Variants in UPF2 observed in about 807,000 individuals in gnomAD.
The protein encoded by UPF2 is regulator of nonsense transcripts 2.
A neutral mutation model predicts 141.4 loss-of-function variants in UPF2; 17 were observed. The observed-to-expected ratio is 0.12, with a 90% CI of 0.08 to 0.18. The LOEUF (loss-of-function observed/expected upper bound fraction) is 0.18. Among genes scored for constraint, UPF2 ranks in the 10% least tolerant of loss-of-function variants. The probability of loss-of-function intolerance (pLI) is 1.00; values close to 1 mark genes in which losing one functional copy is unlikely to be tolerated. For missense variants in UPF2, 1,152 were observed against 1,515.9 expected, an observed-to-expected ratio of 0.76 and a Z score of 3.99; for synonymous variants, 540 against 498.0, an observed-to-expected ratio of 1.08 and a Z score of -1.12.
chr10:11,948,378 T>C lies in UPF2; in HGVS notation c.3165A>G (p.Pro1055=), dbSNP rs768563475. The change falls in exon 16 of 22, where the codon CCA becomes CCG. Residue 1055 remains proline (P), a synonymous_variant. Coordinates refer to ENST00000357604, the MANE Select transcript of UPF2 (RefSeq NM_015542.4). ...ATATAAAAGTCATCACCTCTTCTTCTGGCTCATTTACTTCACTTTCATTTC... is the reference window on the plus strand; with the variant it reads ...ATATAAAAGTCATCACCTCTTCTTCCGGCTCATTTACTTCACTTTCATTTC... ...QSGNESEVNE[P]EEEEGSDNDD... The C allele has an allele frequency of 6.3e-7, 1 of 1,586,180 alleles. No homozygotes were observed. Among genetic ancestry groups the C allele is most frequent in the East Asian group, 2.2e-5 (1 of 44,662 alleles).
intron 4 of UPF2, among the ~76,000 whole-genome samples, 172 bp downstream of exon 4, chr10:12,013,852 G>A (rs1277575914): frequency 6.6e-6 from 1 of 152,004 alleles, no homozygotes; most frequent in African/African-American, 2.4e-5. Context: ...CTCTTACCTT[G>A]GATTCCCAAA....
At chr10:11,922,041 C>G (rs941833221) in intron 21 of UPF2, among the ~76,000 whole-genome samples, 2 of 152,142 alleles carry the variant, frequency 1.3e-5, no homozygotes, top group African/African-American at 2.4e-5. Flanking sequence ...CACACAGACA[C>G]ACACAGGGGG....
intron 12 of UPF2, among the ~76,000 whole-genome samples, chr10:11,957,744 C>A (rs1437888684): frequency 6.6e-6 from 1 of 152,132 alleles, no homozygotes; most frequent in East Asian, 1.9e-4. Flanking sequence ...TCTCGAATTC[C>A]CGGCCTCAAG....
chr10:12,041,837 G>A (rs775423581), intron 1 of UPF2, among the ~76,000 whole-genome samples: 3 of 152,188 alleles, frequency 2.0e-5, no homozygotes, highest in Non-Finnish European at 2.9e-5. Context: ...ATGAGATAAA[G>A]CGTCAGCGAG....
chr10:11,992,290 C>T lies in UPF2; in HGVS notation c.1844+5382G>A, dbSNP rs545320836. Among the ~76,000 whole-genome samples the T allele has an allele frequency of 2.6e-5, 4 of 152,118 alleles. No individual in the cohort carries two copies. The highest frequency in any genetic ancestry group is 9.6e-5 in the African/African-American group (4 of 41,500). On this transcript the variant is annotated intron_variant, in intron 8 of 21. Coordinates refer to ENST00000357604, the MANE Select transcript of UPF2 (RefSeq NM_015542.4). This position sits in a 1 kb window ranked among gnomAD's most constrained non-coding sequence, Gnocchi z 4.1. Reference sequence around the variant, plus strand: ...AAAGCAGACAGGAAGTCAGGTGTGCCGCTTGCCTACTGAAATAATGCTGAA... The same window carrying T: ...AAAGCAGACAGGAAGTCAGGTGTGCTGCTTGCCTACTGAAATAATGCTGAA...
At chr10:11,961,089 C>CAAA (rs59208108) in intron 11 of UPF2, among the ~76,000 whole-genome samples, 18 of 86,258 alleles carry the variant, frequency 2.1e-4, no homozygotes, top group African/African-American at 6.5e-4. Context: ...GACCCTGTCT[C>CAAA]AAAAAAAAAA....
chr10:11,967,330 T>G lies in UPF2; in HGVS notation c.2067+11A>C. 7.0e-7 allele frequency: 1 copy of G among 1,424,458 alleles called. No homozygotes were observed. The highest frequency in any genetic ancestry group is 9.4e-7 in the Non-Finnish European group (1 of 1,063,640). 88.2% of individuals were successfully genotyped at this position (1,424,458 alleles called of 1,614,324 possible). ...TTTCAATTAAAAACAATCAACTAAT[T>G]CAGCACTAACCTTTAAACAATGCAG... On this transcript the variant is annotated intron_variant, in intron 10 of 21. Transcript: ENST00000357604.
intron 9 of UPF2, among the ~76,000 whole-genome samples, chr10:11,972,381 C>T (rs1358012944): frequency 3.3e-5 from 5 of 151,984 alleles, no homozygotes; most frequent in African/African-American, 7.2e-5. Flanking sequence ...AGAAAACTCT[C>T]TTTTTTTTAT....
At position 12,035,077 on chromosome 10, in the gene UPF2, T is replaced by G. The variant is rs150841556; in HGVS notation, c.347A>C (p.Glu116Ala). 431 of 1,568,840 alleles carry G rather than the reference T, an allele frequency of 2.7e-4. No homozygotes were observed. Among genetic ancestry groups the G allele is most frequent in the Non-Finnish European group, 3.2e-4 (373 of 1,167,568 alleles). Residue 116 changes from glutamate to alanine, a missense_variant, in exon 2 of 22, where the codon GAA becomes GCA. Coordinates refer to ENST00000357604, the MANE Select transcript of UPF2 (RefSeq NM_015542.4). ...GCCTTACTTCATCTGAGCAGCTGCT[T>G]CTTCTTCTTGCTGACGTTTGGCCTG... Reference protein sequence around the residue: ...EEQAKRQQEEEAAAQMKEKEE... With the variant: ...EEQAKRQQEEAAAAQMKEKEE...
At chr10:11,946,973 G>A (rs118005383) in intron 16 of UPF2, among the ~76,000 whole-genome samples, 1 of 152,314 alleles carries the variant, frequency 6.6e-6, no homozygotes, top group African/African-American at 2.4e-5. Flanking sequence ...AGGCCAAGGT[G>A]GGGGGATCAC....
At chr10:12,020,353 G>A (rs1484094034) in intron 3 of UPF2, among the ~76,000 whole-genome samples, 1 of 151,858 alleles carries the variant, frequency 6.6e-6, no homozygotes, top group African/African-American at 2.4e-5. Flanking sequence ...CCGGGTTCAA[G>A]CCATTCTCCT....
At chr10:12,018,326 TAATCCC>T (rs1834259837) in intron 3 of UPF2, among the ~76,000 whole-genome samples, 1 of 152,096 alleles carries the variant, frequency 6.6e-6, no homozygotes, top group African/African-American at 2.4e-5. Context: ...CTCACACCTG[TAATCCC>T]AACACTTTGG....
intron 8 of UPF2, among the ~76,000 whole-genome samples, chr10:11,993,920 T>C (rs1487594236): frequency 6.7e-6 from 1 of 148,728 alleles, no homozygotes; most frequent in African/African-American, 2.5e-5. Flanking sequence ...GCCTGGGAGG[T>C]TGAGGCTGCA....
intron 1 of UPF2, 87 bp from the exon 2 acceptor site, chr10:12,035,528 T>C (rs1834609921): frequency 1.5e-6 from 2 of 1,360,600 alleles, no homozygotes; most frequent in Admixed American, 2.7e-5. Context: ...AACATATTAA[T>C]GCAACTTGGC....
chr10:12,004,823 T>C (rs1834009254), intron 4 of UPF2, 96 bp from the exon 5 acceptor site: 1 of 1,225,018 alleles, frequency 8.2e-7, no homozygotes, highest in South Asian at 1.5e-5. Flanking sequence ...ATCTATTGAA[T>C]CTTGAGTGTT....
chr10:12,007,954 C>G (rs186675310), intron 4 of UPF2, among the ~76,000 whole-genome samples: 1 of 151,426 alleles, frequency 6.6e-6, no homozygotes, highest in Admixed American at 6.6e-5. Context: ...GCAATCTCAG[C>G]TCACTGCAAC....
Position 11,979,201 on chromosome 10 carries a change from G to A in UPF2, c.1845-36C>T. 1 of 1,463,024 alleles carries A rather than the reference G, an allele frequency of 6.8e-7. No homozygotes were observed. The highest frequency in any genetic ancestry group is 9.4e-7 in the Non-Finnish European group (1 of 1,058,228). 90.6% of individuals were successfully genotyped at this position (1,463,024 alleles called of 1,614,324 possible). A position where few individuals can be genotyped will look rare whatever the true frequency, so the allele number is the denominator to read the frequency against. ...TATATGTGATATGTGTCAAAGGAAA[G>A]ACATATCAAAAATAATTCATTTTAA... On this transcript the variant is annotated intron_variant, in intron 8 of 21. Coordinates refer to ENST00000357604, the MANE Select transcript of UPF2 (RefSeq NM_015542.4). The surrounding 1 kb of genome is among the most constrained non-coding windows in gnomAD (Gnocchi z 6.2).
chr10:11,938,866 T>TTTTTTTTTTGTTTG (rs1832895479), intron 18 of UPF2, among the ~76,000 whole-genome samples: 2 of 88,672 alleles, frequency 2.3e-5, no homozygotes, highest in East Asian at 1.1e-3. Flanking sequence ...TTTTTTTTTT[T>TTTTTTTTTTGTTTG]TTTTTTTTTT....
chr10:11,934,612 C>T (rs761537801), intron 19 of UPF2, among the ~76,000 whole-genome samples: 3 of 152,150 alleles, frequency 2.0e-5, no homozygotes, highest in African/African-American at 2.4e-5. Flanking sequence ...TTTTTTGAGA[C>T]GGAGTCTCGT....
Sources: allele counts gnomAD v4.1 joint callset (sites outside exome capture counted in the v4.1 genomes callset), GRCh38; gene constraint gnomAD v4.1.1; non-coding constraint Gnocchi (gnomAD v3.1); transcripts MANE v1.5; gene names NCBI Gene and HGNC (gene_info 2026-07-23, HGNC 2026-07-21).